Variants in GNA15 observed in about 807,000 individuals in gnomAD.
GNA15 encodes guanine nucleotide-binding protein subunit alpha-15.
A neutral mutation model predicts 40.1 loss-of-function variants in GNA15; 23 were observed. That is an observed-to-expected ratio of 0.57 (90% CI 0.41 to 0.81). The LOEUF (loss-of-function observed/expected upper bound fraction) is 0.81. Ranked by LOEUF, GNA15 falls within the 40% of genes least tolerant of loss-of-function variation. The pLI, the probability that GNA15 is intolerant of heterozygous loss-of-function variation, is 0.00. For missense variants in GNA15, 522 were observed against 515.8 expected, an observed-to-expected ratio of 1.01 and a Z score of -0.12; for synonymous variants, 226 against 210.4, an observed-to-expected ratio of 1.07 and a Z score of -0.64.
intron 4 of GNA15, among the ~76,000 whole-genome samples, 198 bp downstream of exon 4, chr19:3,152,033 G>C (rs1242376035): frequency 6.6e-6 from 1 of 152,206 alleles, no homozygotes; most frequent in East Asian, 1.9e-4. Context: ...TAGGAGCCCA[G>C]GCTGAGGCAT....
Position 3,153,531 on chromosome 19 carries a change from G to A in GNA15, c.614+1696G>A, listed in dbSNP as rs187050023. On this transcript the variant is annotated intron_variant, in intron 4 of 6. Coordinates refer to ENST00000262958, the MANE Select transcript of GNA15 (RefSeq NM_002068.4). ...GTGATACATGAATGGATGAGTGGGT[G>A]GATGAGTGGATAGATGGATAGATGG... 3.3e-5 allele frequency among the ~76,000 whole-genome samples: 5 copies of A among 151,154 alleles called. No individual in the cohort carries two copies. In the East Asian group the frequency reaches 9.8e-4, roughly 30 times the overall value.
chr19:3,160,474 A>G (rs62125873), intron 6 of GNA15, among the ~76,000 whole-genome samples: 26,134 of 152,184 alleles, frequency 0.17, 2,549 homozygotes, highest in Non-Finnish European at 0.22. Context: ...AGCCTCAGAA[A>G]TGTCAGACGT....
intron 1 of GNA15, among the ~76,000 whole-genome samples, chr19:3,140,038 A>AG (rs1914540254): frequency 1.7e-5 from 1 of 59,656 alleles, no homozygotes; most frequent in Non-Finnish European, 3.8e-5. Context: ...CATCTCAAAA[A>AG]AAAAAAATCT....
At chr19:3,156,054 G>T in intron 5 of GNA15, 102 bp downstream of exon 5, 1 of 1,118,586 alleles carries the variant, frequency 8.9e-7, no homozygotes, top group African/African-American at 1.6e-5. Context: ...GCTCTTGAAC[G>T]GGCCTGTGTG....
At position 3,136,536 on chromosome 19, in the gene GNA15, A is replaced by C; in HGVS notation, c.86A>C (p.Asn29Thr). The change falls in exon 1 of 7, where the codon AAC (asparagine) becomes ACC (threonine). Residue 29 changes from asparagine (N) to threonine (T), a missense_variant. Physicochemically the swap from Asn to Thr is moderately conservative, Grantham distance 65. Transcript: ENST00000262958. The surrounding 1 kb of genome is among the most constrained non-coding windows in gnomAD (Gnocchi z 4.9). ...GCCGCCCGGGTGGACCAGGAGATCA[A>C]CAGGATCCTCTTGGAGCAGAAGAAG... ...KAAARVDQEI[N>T]RILLEQKKQD... 6.4e-7 allele frequency: 1 copy of C among 1,569,538 alleles called. No homozygotes were observed. Among genetic ancestry groups the C allele is most frequent in the Non-Finnish European group, 8.6e-7 (1 of 1,157,546 alleles).
rs1914985823 is a variant in GNA15 at position 3,155,322 on chromosome 19, G to C, written c.615-501G>C. 1.3e-5 allele frequency: 2 copies of C among 154,668 alleles called. No homozygotes were observed. The highest frequency in any genetic ancestry group is 1.3e-4 in the Admixed American group (2 of 15,750). 9.6% of individuals were successfully genotyped at this position (154,668 alleles called of 1,614,324 possible). On this transcript the variant is annotated intron_variant, in intron 4 of 6. Coordinates refer to ENST00000262958, the MANE Select transcript of GNA15 (RefSeq NM_002068.4). This position sits in a 1 kb window ranked among gnomAD's most constrained non-coding sequence, Gnocchi z 5.6. ...ACAGGAAGGTGGGGGCAGGGTTCAG[G>C]CTTTTGTTACGGTGCGTGGGGCTGA...
rs72983031 is a variant in GNA15 at position 3,155,461 on chromosome 19, G to T, written c.615-362G>T. On this transcript the variant is annotated intron_variant, in intron 4 of 6. Coordinates refer to ENST00000262958, the MANE Select transcript of GNA15 (RefSeq NM_002068.4). This position sits in a 1 kb window ranked among gnomAD's most constrained non-coding sequence, Gnocchi z 5.6. ...CACAGGAGCCCCATAGCACAGATGG[G>T]AAAACTGAGTTTTGGAGATGTTTGG... is the stretch of plus-strand genomic sequence containing the variant. Among the ~76,000 whole-genome samples the T allele has an allele frequency of 0.071, 10,819 of 152,206 alleles. 554 individuals are homozygous for T. The highest frequency in any genetic ancestry group is 0.1 in the Non-Finnish European group (6,965 of 67,974).
rs1451359707 is a variant in GNA15, at chr19:3,136,265, C to A, written c.-186C>A. On this transcript the variant is annotated 5_prime_UTR_variant, in exon 1 of 7. Transcript: ENST00000262958. This position sits in a 1 kb window ranked among gnomAD's most constrained non-coding sequence, Gnocchi z 4.9. ...GCACTCAAGCCTTGCCACCGCCGAG[C>A]CGGGCTTCCTGGGTGTTTCAGGCAA... 1.7e-6 allele frequency: 1 copy of A among 599,114 alleles called. No homozygotes were observed. The highest frequency in any genetic ancestry group is 2.9e-6 in the Non-Finnish European group (1 of 347,744). The allele number at this position is 599,114 out of a possible 1,614,324, so 37.1% of individuals were successfully genotyped here.
chr19:3,137,478 G>A (rs1482050225), intron 1 of GNA15, among the ~76,000 whole-genome samples: 5 of 151,874 alleles, frequency 3.3e-5, no homozygotes, highest in African/African-American at 9.7e-5. Context: ...GTGAAGCCCC[G>A]TCTCTACTAA....
intron 1 of GNA15, among the ~76,000 whole-genome samples, chr19:3,140,806 C>A (rs539983599): frequency 6.6e-6 from 1 of 152,308 alleles, no homozygotes; most frequent in East Asian, 1.9e-4. Flanking sequence ...GACACTGTAT[C>A]ATATCTTCCT....
At chr19:3,152,234 CT>C (rs1914898683) in intron 4 of GNA15, among the ~76,000 whole-genome samples, 1 of 152,024 alleles carries the variant, frequency 6.6e-6, no homozygotes, top group Admixed American at 6.6e-5. Context: ...GTCATCAACA[CT>C]GGGGGATGGA....
chr19:3,151,907 C>T lies in GNA15; in HGVS notation c.614+72C>T, dbSNP rs572133667. The T allele has an allele frequency of 1.5e-5, 17 of 1,161,026 alleles. No homozygotes were observed. In the African/African-American group the frequency reaches 2.7e-4, roughly 18 times the overall value. The allele number at this position is 1,161,026 out of a possible 1,614,324, so 71.9% of individuals were successfully genotyped here. A position where few individuals can be genotyped will look rare whatever the true frequency, so the allele number is the denominator to read the frequency against. ...TGTAGGAAGGGCAAAGGAGCTGGGG[C>T]CCTGAGGGATGAGTAGGAGTTTCTT... On this transcript the variant is annotated intron_variant, in intron 4 of 6. Transcript: ENST00000262958. This position sits in a 1 kb window ranked among gnomAD's most constrained non-coding sequence, Gnocchi z 5.0.
Position 3,148,703 on chromosome 19 carries a change from C to G in GNA15, c.258C>G (p.Ile86Met). Reference sequence around the variant, plus strand: ...TCCGGCCCCTGGTCTACCAGAACATCTTCGTGTCCATGCGGGCCATGATCG... The same window carrying G: ...TCCGGCCCCTGGTCTACCAGAACATGTTCGTGTCCATGCGGGCCATGATCG... ...KGFRPLVYQN[I>M]FVSMRAMIEA... is the part of the protein sequence containing the mutation. Residue 86 changes from isoleucine to methionine, a missense_variant, in exon 2 of 7, where the codon ATC (isoleucine) becomes ATG (methionine). Transcript: ENST00000262958. 3.1e-6 allele frequency: 5 copies of G among 1,602,348 alleles called. No homozygotes were observed. The highest frequency in any genetic ancestry group is 4.3e-6 in the Non-Finnish European group (5 of 1,174,982).
intron 5 of GNA15, 68 bp downstream of exon 5, chr19:3,156,020 T>G: frequency 1.8e-5 from 27 of 1,468,250 alleles, no homozygotes; most frequent in Non-Finnish European, 2.5e-5. Context: ...CAGGAAGCTC[T>G]GGTGCAGAAA....
chr19:3,140,044 A>ATCTATCTATCTATCT (rs1555705063), intron 1 of GNA15, among the ~76,000 whole-genome samples: 1 of 124,054 alleles, frequency 8.1e-6, no homozygotes, highest in African/African-American at 2.9e-5. Context: ...AAAAAAAAAA[A>ATCTATCTATCTATCT]ATCTATCTAT....
In GNA15 at chr19:3,163,143, C is replaced by G; in HGVS notation, c.*124C>G. On this transcript the variant is annotated 3_prime_UTR_variant, in exon 7 of 7. Coordinates refer to ENST00000262958, the MANE Select transcript of GNA15 (RefSeq NM_002068.4). ...GCCCACACGCAAGGGAGTCGGGGGACGGACGGCCCGCTGCTGGCCGCTCTC... is the reference window on the plus strand; with the variant it reads ...GCCCACACGCAAGGGAGTCGGGGGAGGGACGGCCCGCTGCTGGCCGCTCTC... 1.5e-6 allele frequency: 1 copy of G among 659,322 alleles called. No individual in the cohort carries two copies. Among genetic ancestry groups the G allele is most frequent in the Admixed American group, 2.4e-5 (1 of 42,300 alleles). 40.8% of individuals were successfully genotyped at this position (659,322 alleles called of 1,614,324 possible).
intron 1 of GNA15, among the ~76,000 whole-genome samples, chr19:3,144,223 G>A (rs117853035): frequency 6.6e-6 from 1 of 151,858 alleles, no homozygotes; most frequent in Non-Finnish European, 1.5e-5. Flanking sequence ...CCCAGTCAAG[G>A]GCCAGCAAGC....
At position 3,136,300 on chromosome 19, in the gene GNA15, G is replaced by A. The variant is rs1914456703; in HGVS notation, c.-151G>A. Reference sequence around the variant, plus strand: ...TGGGTGTTTCAGGCAAGGAAGTCTAGGTCCCTGGGGGGTGACCCCCAAGGA... The same window carrying A: ...TGGGTGTTTCAGGCAAGGAAGTCTAAGTCCCTGGGGGGTGACCCCCAAGGA... On this transcript the variant is annotated 5_prime_UTR_variant, in exon 1 of 7. Transcript: ENST00000262958. The surrounding 1 kb of genome is among the most constrained non-coding windows in gnomAD (Gnocchi z 4.9). 2.7e-6 allele frequency: 2 copies of A among 727,374 alleles called. No individual in the cohort carries two copies. The highest frequency in any genetic ancestry group is 3.7e-5 in the African/African-American group (2 of 54,706). 45.1% of individuals were successfully genotyped at this position (727,374 alleles called of 1,614,324 possible).
intron 6 of GNA15, among the ~76,000 whole-genome samples, chr19:3,162,493 C>T (rs1915161161): frequency 1.3e-5 from 2 of 152,216 alleles, no homozygotes; most frequent in African/African-American, 4.8e-5. Flanking sequence ...ACTGCACTGG[C>T]TGTAAGCGAG....
Sources: gnomAD v4.1 joint callset for allele counts (sites outside exome capture counted in the v4.1 genomes callset) on GRCh38, gnomAD v4.1.1 for gene constraint, Gnocchi (gnomAD v3.1) non-coding constraint, MANE v1.5 for transcripts, NCBI Gene and HGNC (gene_info 2026-07-23, HGNC 2026-07-21) for gene names.